Variants in PLCXD1 observed in about 807,000 individuals in gnomAD.
The protein encoded by PLCXD1 is PI-PLC X domain-containing protein 1.
A neutral mutation model predicts 37.8 loss-of-function variants in PLCXD1; 45 were observed. The observed-to-expected ratio is 1.19, with a 90% CI of 0.94 to 1.53. The LOEUF (loss-of-function observed/expected upper bound fraction) is 1.53. Among genes scored for constraint, PLCXD1 ranks in the 40% most tolerant of loss-of-function variants. The pLI is 0.00. For missense variants in PLCXD1, 539 were observed against 454.7 expected (o/e 1.19, Z -1.69); for synonymous variants, 246 against 206.9 (o/e 1.19, Z -1.62).
At chrX:281,081 A>AGGCCGTGCAGGGGGAGGGGG (rs2069262884), upstream of PLCXD1, 2 of 11,466 alleles carry the variant, frequency 1.7e-4, no homozygotes, top group African/African-American at 1.1e-3. Flanking sequence ...GGGGGAGGGG[A>AGGCCGTGCAGGGGGAGGGGG]GGCCGTGCAG....
chrX:289,195 C>A (rs996407412), intron 3 of PLCXD1, among the ~76,000 whole-genome samples: 5 of 152,098 alleles, frequency 3.3e-5, no homozygotes, highest in Admixed American at 2.0e-4. Context: ...TCAAGCGATT[C>A]TCCTGCCTCA....
At chrX:279,181 C>T (rs764915509), upstream of PLCXD1, among the ~76,000 whole-genome samples, 1 of 152,266 alleles carries the variant, frequency 6.6e-6, no homozygotes, top group Admixed American at 6.5e-5. Flanking sequence ...GATTGATCGG[C>T]TAAGGTAGGG....
rs1400682204 is a variant in PLCXD1 at position 301,209 on chromosome X, C to T, written c.*1874C>T. 1.3e-5 allele frequency: 2 copies of T among 152,150 alleles called. No homozygotes were observed. The highest frequency in any genetic ancestry group is 6.6e-5 in the Admixed American group (1 of 15,250). The allele number at this position is 152,150 out of a possible 1,614,324, so 9.4% of individuals were successfully genotyped here. A position where few individuals can be genotyped will look rare whatever the true frequency, so the allele number is the denominator to read the frequency against. The stretch of plus-strand genomic sequence containing the variant: ...TATTTTTGGTAGAGTCAGGGTTTCA[C>T]CACATGGCACAGTCTGGTCTCAAAT... On this transcript the variant is annotated 3_prime_UTR_variant, in exon 7 of 7. Transcript: ENST00000381657.
chrX:277,073 C>T (rs1196890253), upstream of PLCXD1, among the ~76,000 whole-genome samples: 9 of 152,172 alleles, frequency 5.9e-5, no homozygotes, highest in African/African-American at 1.2e-4. Flanking sequence ...CTCCGTGGGA[C>T]GGCCTCCAGA....
intron 6 of PLCXD1, among the ~76,000 whole-genome samples, chrX:295,336 C>T (rs1372784376): frequency 1.3e-5 from 2 of 151,914 alleles, no homozygotes; most frequent in Non-Finnish European, 2.9e-5. Context: ...CCCGCGGGGA[C>T]GGTGGCAGGT....
intron 3 of PLCXD1, among the ~76,000 whole-genome samples, chrX:289,836 T>A (rs2069573374): frequency 6.6e-6 from 1 of 151,940 alleles, no homozygotes; most frequent in Non-Finnish European, 1.5e-5. Context: ...ATGCCTGCAC[T>A]CAAGACAGAC....
chrX:287,311 C>T (rs1388890485), intron 2 of PLCXD1, among the ~76,000 whole-genome samples: 1 of 140,474 alleles, frequency 7.1e-6, no homozygotes, highest in African/African-American at 2.6e-5. Flanking sequence ...TACATAAGTA[C>T]ATTTATATAT....
At position 293,206 on chromosome X, in the gene PLCXD1, T is replaced by A. The variant is rs201374642; in HGVS notation, c.721T>A (p.Cys241Ser). 3.5e-5 allele frequency: 57 copies of A among 1,609,918 alleles called. No individual in the cohort carries two copies. In the South Asian group the frequency reaches 3.8e-4, roughly 11 times the overall value. ...LIRYLETMKS[C>S]GRPGGLFVAG... ...CCGATACCTGGAGACCATGAAGAGC[T>A]GCGGCCGCCCAGGTACCAGGTCGCC... Residue 241 changes from cysteine (C) to serine (S), a missense_variant, in exon 6 of 7, where the codon TGC becomes AGC. Coordinates refer to ENST00000381657, the MANE Select transcript of PLCXD1 (RefSeq NM_018390.4).
Position 300,725 on chromosome X carries a change from G to C in PLCXD1, c.*1390G>C, listed in dbSNP as rs976961853. 9.2e-5 allele frequency: 14 copies of C among 151,636 alleles called. No individual in the cohort carries two copies. The highest frequency in any genetic ancestry group is 2.9e-5 in the Non-Finnish European group (2 of 67,906). 9.4% of individuals were successfully genotyped at this position (151,636 alleles called of 1,614,324 possible). A position where few individuals can be genotyped will look rare whatever the true frequency, so the allele number is the denominator to read the frequency against. ...ATATATGTGTATATATATATTTTTT[G>C]AGGAGTCTCACTCTGTCACCCAGGC... is the stretch of plus-strand genomic sequence containing the variant. On this transcript the variant is annotated 3_prime_UTR_variant, in exon 7 of 7. Coordinates refer to ENST00000381657, the MANE Select transcript of PLCXD1 (RefSeq NM_018390.4).
At chrX:278,970 A>G (rs1210515848), upstream of PLCXD1, among the ~76,000 whole-genome samples, 9 of 152,202 alleles carry the variant, frequency 5.9e-5, no homozygotes, top group Non-Finnish European at 1.2e-4. Flanking sequence ...AAAGCGGTTC[A>G]TTCACTTGGG....
At chrX:282,955 A>C (rs867487286) in intron 1 of PLCXD1, among the ~76,000 whole-genome samples, 3 of 142,112 alleles carry the variant, frequency 2.1e-5, no homozygotes, top group Non-Finnish European at 3.0e-5. Context: ...TTATATATAT[A>C]TTATATATGT....
At chrX:278,920 C>T (rs189230838), upstream of PLCXD1, among the ~76,000 whole-genome samples, 36 of 152,138 alleles carry the variant, frequency 2.4e-4, no homozygotes, top group East Asian at 6.4e-3. Flanking sequence ...TCAAGCGCGT[C>T]GGTGCGAAGA....
chrX:291,334 C>T lies in PLCXD1; in HGVS notation c.394-165C>T, dbSNP rs768828215. The stretch of plus-strand genomic sequence containing the variant: ...CTAATTTTTGTATTTTTAGTAGATA[C>T]GGGGTTTCACCATGTTGGCTAGGCT... On this transcript the variant is annotated intron_variant, in intron 4 of 6. Transcript: ENST00000381657. Among the ~76,000 whole-genome samples the T allele has an allele frequency of 9.9e-5, 15 of 152,112 alleles. 1 individual carries two copies. Among genetic ancestry groups the T allele is most frequent in the Admixed American group, 5.2e-4 (8 of 15,272 alleles).
At chrX:283,192 G>T (rs1331457842) in intron 1 of PLCXD1, 2 of 150,306 alleles carry the variant, frequency 1.3e-5, no homozygotes, top group Non-Finnish European at 3.0e-5. Context: ...CCAGCACCGC[G>T]GAGGTTGCGG....
chrX:281,604 G>T lies in PLCXD1; in HGVS notation c.-102G>T, dbSNP rs1233960688. ...CGAGAGGATCTCGTCCTTTCTTGCG[G>T]CCCAGGGAGACCAGGCCTTTCATTC... On this transcript the variant is annotated 5_prime_UTR_variant, in exon 1 of 7. Coordinates refer to ENST00000381657, the MANE Select transcript of PLCXD1 (RefSeq NM_018390.4). 1 of 152,200 alleles carries T rather than the reference G, an allele frequency of 6.6e-6. No individual in the cohort carries two copies. The highest frequency in any genetic ancestry group is 1.9e-4 in the East Asian group (1 of 5,188). The allele number at this position is 152,200 out of a possible 1,614,324, so 9.4% of individuals were successfully genotyped here.
At chrX:283,984 C>A in intron 1 of PLCXD1, 183 bp from the exon 2 acceptor site, 2 of 565,144 alleles carry the variant, frequency 3.5e-6, no homozygotes, top group Non-Finnish European at 6.4e-6. Flanking sequence ...CGGGTTCAAG[C>A]GATTCTCCTG....
chrX:288,843 G>T lies in PLCXD1; in HGVS notation c.238G>T (p.Val80Phe). 1 of 1,613,268 alleles carries T rather than the reference G, an allele frequency of 6.2e-7. No individual in the cohort carries two copies. The highest frequency in any genetic ancestry group is 8.5e-7 in the Non-Finnish European group (1 of 1,179,820). The change falls in exon 3 of 7, where the codon GTC becomes TTC. Residue 80 changes from valine to phenylalanine, a missense_variant. Coordinates refer to ENST00000381657, the MANE Select transcript of PLCXD1 (RefSeq NM_018390.4). Reference sequence around the variant, plus strand: ...GGCCTTGCCCTGCATCACGCGCCCTGTCGTGCTGAAATGGTCCGTCACCCA... The same window carrying T: ...GGCCTTGCCCTGCATCACGCGCCCTTTCGTGCTGAAATGGTCCGTCACCCA... Reference protein sequence around the residue: ...NKALPCITRPVVLKWSVTQAL... With the variant: ...NKALPCITRPFVLKWSVTQAL...
At chrX:295,370 T>C (rs1249837850) in intron 6 of PLCXD1, among the ~76,000 whole-genome samples, 1 of 151,904 alleles carries the variant, frequency 6.6e-6, no homozygotes, top group Non-Finnish European at 1.5e-5. Flanking sequence ...TCCTGCAGCC[T>C]GCGGCTGGGT....
At chrX:283,928 C>T (rs2069362312) in intron 1 of PLCXD1, 1 of 401,820 alleles carries the variant, frequency 2.5e-6, no homozygotes, top group Non-Finnish European at 4.5e-6. Flanking sequence ...GTTGCCCAGC[C>T]TGGAGTGCAG....
Sources: gnomAD v4.1 joint callset for allele counts (sites outside exome capture counted in the v4.1 genomes callset) on GRCh38, gnomAD v4.1.1 for gene constraint, MANE v1.5 for transcripts, NCBI Gene and HGNC (gene_info 2026-07-23, HGNC 2026-07-21) for gene names.